Variants in SLC7A8 observed in about 807,000 individuals in gnomAD.
SLC7A8 encodes large neutral amino acids transporter small subunit 2.
A neutral mutation model predicts 51.2 loss-of-function variants in SLC7A8; 30 were observed. That is an observed-to-expected ratio of 0.59 (90% confidence interval 0.44 to 0.80). The LOEUF (loss-of-function observed/expected upper bound fraction) is 0.80, where lower values mean the gene tolerates loss of function less well. Ranked by LOEUF, SLC7A8 falls within the 30% of genes least tolerant of loss-of-function variation. SLC7A8 has a pLI of 0.00. For synonymous variants in SLC7A8, 257 were observed against 275.8 expected (o/e 0.93, Z 0.67); for missense variants, 612 against 674.4 (o/e 0.91, Z 1.03).
intron 3 of SLC7A8, among the ~76,000 whole-genome samples, chr14:23,149,611 C>A (rs917061165): frequency 1.3e-5 from 2 of 152,210 alleles, no homozygotes; most frequent in African/African-American, 4.8e-5. Context: ...ACACTCTTCA[C>A]ATCAGAGGGG....
chr14:23,171,321 T>G (rs2048974312), intron 1 of SLC7A8, among the ~76,000 whole-genome samples: 1 of 152,172 alleles, frequency 6.6e-6, no homozygotes, highest in South Asian at 2.1e-4. Context: ...GCAAATCATT[T>G]CATTAAAAAG....
At chr14:23,127,785 G>T (rs571233162) in intron 10 of SLC7A8, among the ~76,000 whole-genome samples, 1 of 152,180 alleles carries the variant, frequency 6.6e-6, no homozygotes, top group Non-Finnish European at 1.5e-5. Flanking sequence ...CCCAGCCCAG[G>T]TTGCCTATTC....
intron 1 of SLC7A8, among the ~76,000 whole-genome samples, chr14:23,167,327 G>A (rs904872819): frequency 1.3e-5 from 2 of 152,168 alleles, no homozygotes; most frequent in Non-Finnish European, 2.9e-5. Context: ...GGAGAGGAGA[G>A]GGGCAGGTAC....
At chr14:23,164,638 G>A (rs1310212875) in intron 3 of SLC7A8, among the ~76,000 whole-genome samples, 2 of 150,522 alleles carry the variant, frequency 1.3e-5, no homozygotes, top group Non-Finnish European at 2.9e-5. Flanking sequence ...CCAGACAATT[G>A]TATGCAGAAT....
rs1472515588 is a variant in SLC7A8, at chr14:23,126,805, TCTC to T, written c.*369_*371del. 6 of 284,220 alleles carry T rather than the reference TCTC, an allele frequency of 2.1e-5. No homozygotes were observed. The highest frequency in any genetic ancestry group is 1.3e-4 in the African/African-American group (6 of 46,288). The allele number at this position is 284,220 out of a possible 1,614,324, so 17.6% of individuals were successfully genotyped here. On this transcript the variant is annotated 3_prime_UTR_variant, in exon 11 of 11. Transcript: ENST00000316902. Reference sequence around the variant, plus strand: ...CCCCCACAATGCAGCTCCTGTGGCCTCTCCTCTCTGAAGGGGCCTCCCTGGGAG... The same window carrying T: ...CCCCCACAATGCAGCTCCTGTGGCCTCTCTCTGAAGGGGCCTCCCTGGGAG...
intron 6 of SLC7A8, 100 bp from the exon 7 acceptor site, chr14:23,138,124 C>T (rs1411353021): frequency 7.2e-7 from 1 of 1,396,770 alleles, no homozygotes; most frequent in East Asian, 2.4e-5. Flanking sequence ...TATCTCCACC[C>T]TTGCTAATTC....
Position 23,165,321 on chromosome 14 carries a change from C to G in SLC7A8, c.472G>C (p.Glu158Gln), listed in dbSNP as rs1803122716. ...QPLFPTCFPPESGLRLLAAIC... is the reference protein window; with the variant it reads ...QPLFPTCFPPQSGLRLLAAIC... ...GCAGCCAGGAGCCGAAGGCCAGACT[C>G]TGGGGGGAAGCAGGTGGGGAAGAGC... The change falls in exon 3 of 11, where the codon GAG becomes CAG. Residue 158 changes from glutamate to glutamine, a missense_variant. Glu to Gln is a conservative substitution (Grantham distance 29). Transcript: ENST00000316902. The surrounding 1 kb of genome is among the most constrained non-coding windows in gnomAD (Gnocchi z 4.2). The G allele has an allele frequency of 6.2e-7, 1 of 1,608,558 alleles. No individual in the cohort carries two copies. Among genetic ancestry groups the G allele is most frequent in the South Asian group, 1.1e-5 (1 of 90,564 alleles).
intron 3 of SLC7A8, among the ~76,000 whole-genome samples, chr14:23,144,711 C>T (rs974248185): frequency 3.9e-5 from 6 of 152,094 alleles, no homozygotes; most frequent in Non-Finnish European, 7.4e-5. Context: ...GCCATCTCCA[C>T]CTGGCAAACC....
At chr14:23,179,194 C>T (rs1877053776) in intron 1 of SLC7A8, among the ~76,000 whole-genome samples, 1 of 152,174 alleles carries the variant, frequency 6.6e-6, no homozygotes, top group Non-Finnish European at 1.5e-5. Context: ...CTCCTGGCTT[C>T]CCACCATTCA....
intron 3 of SLC7A8, among the ~76,000 whole-genome samples, chr14:23,151,390 A>C (rs1054424992): frequency 6.6e-6 from 1 of 152,212 alleles, no homozygotes; most frequent in Non-Finnish European, 1.5e-5. Flanking sequence ...AAGGCCAGCA[A>C]GTGCCCCGGA....
In SLC7A8 at chr14:23,183,385, A is replaced by C; in HGVS notation, c.-471T>G. On this transcript the variant is annotated 5_prime_UTR_variant, in exon 1 of 11. Transcript: ENST00000316902. ...GTTTTTTCTTTTATGATGAAGACAA[A>C]AGTAGTTTTCATTAACGGTAGGAAA... is the stretch of plus-strand genomic sequence containing the variant. 1 of 153,046 alleles carries C rather than the reference A, an allele frequency of 6.5e-6. No individual in the cohort carries two copies. 9.5% of individuals were successfully genotyped at this position (153,046 alleles called of 1,614,324 possible). A position where few individuals can be genotyped will look rare whatever the true frequency, so the allele number is the denominator to read the frequency against.
intron 4 of SLC7A8, 151 bp from the exon 5 acceptor site, chr14:23,140,775 G>A (rs1175748531): frequency 1.4e-6 from 1 of 722,412 alleles, no homozygotes; most frequent in Non-Finnish European, 2.2e-6. Flanking sequence ...GGATAAATTG[G>A]GATAAAGGGA....
intron 4 of SLC7A8, 136 bp from the exon 5 acceptor site, chr14:23,140,760 A>G (rs1057160630): frequency 2.4e-6 from 2 of 817,616 alleles, no homozygotes; most frequent in African/African-American, 3.4e-5. Context: ...TGAACCCAAC[A>G]TATTGGATAA....
intron 7 of SLC7A8, among the ~76,000 whole-genome samples, chr14:23,132,925 T>C (rs1413175903): frequency 1.3e-5 from 2 of 151,344 alleles, no homozygotes. Context: ...CATGAGCCAC[T>C]ATGCCCAGCC....
At chr14:23,179,222 T>G (rs1159722623) in intron 1 of SLC7A8, among the ~76,000 whole-genome samples, 3 of 152,146 alleles carry the variant, frequency 2.0e-5, no homozygotes, top group Admixed American at 6.5e-5. Context: ...TTGCCCTACT[T>G]TAGCTCTTTC....
chr14:23,137,792 C>G (rs1288644157), intron 7 of SLC7A8, 129 bp downstream of exon 7: 1 of 1,169,286 alleles, frequency 8.6e-7, no homozygotes, highest in East Asian at 2.4e-5. Context: ...TGAGCAGTCA[C>G]CCCTCTGCAA....
intron 3 of SLC7A8, among the ~76,000 whole-genome samples, chr14:23,144,072 G>T (rs2048768737): frequency 6.6e-6 from 1 of 152,178 alleles, no homozygotes; most frequent in Non-Finnish European, 1.5e-5. Context: ...CACAGTGTGG[G>T]ACTATTATGA....
In SLC7A8 at chr14:23,182,770, T is replaced by C. The variant is rs952572744; in HGVS notation, c.145A>G (p.Ile49Val). ...GGGAAGGAATGGAACTCACCTACGA[T>C]GATACCACAGGCACTGACCAATCCG... ...EIGLVSACGIIVGNIIGSGIF... is the reference protein window; with the variant it reads ...EIGLVSACGIVVGNIIGSGIF... The change falls in exon 1 of 11, where the codon ATC (isoleucine) becomes GTC (valine). Residue 49 changes from isoleucine (I) to valine (V), a missense_variant. Physicochemically the swap from Ile to Val is conservative, Grantham distance 29. Transcript: ENST00000316902. The C allele has an allele frequency of 2.2e-5, 34 of 1,579,984 alleles. No individual in the cohort carries two copies. Among genetic ancestry groups the C allele is most frequent in the Middle Eastern group, 1.7e-4 (1 of 5,916 alleles).
At chr14:23,135,122 C>T (rs2048676873) in intron 7 of SLC7A8, among the ~76,000 whole-genome samples, 1 of 151,888 alleles carries the variant, frequency 6.6e-6, no homozygotes, top group African/African-American at 2.4e-5. Flanking sequence ...GAGTCTTGCT[C>T]TGTTGCCCAG....
Sources: allele counts gnomAD v4.1 joint callset (sites outside exome capture counted in the v4.1 genomes callset), GRCh38; gene constraint gnomAD v4.1.1; non-coding constraint Gnocchi (gnomAD v3.1); transcripts MANE v1.5; gene names NCBI Gene and HGNC (gene_info 2026-07-23, HGNC 2026-07-21).